The following YES1 variants were observed in gnomAD, a reference collection of about 807,000 sequenced individuals.
YES1 encodes YES proto-oncogene 1, Src family tyrosine kinase.
YES1 carries 39 observed loss-of-function variants against 70.4 expected under a neutral mutation model. The ratio of observed to expected loss-of-function variants is 0.55; its 90% CI spans 0.43 to 0.72. The LOEUF (loss-of-function observed/expected upper bound fraction) is 0.72, where lower values mean the gene tolerates loss of function less well. Among genes scored for constraint, YES1 ranks in the 30% least tolerant of loss-of-function variants. The probability of loss-of-function intolerance (pLI) is 0.00; values close to 1 mark genes in which losing one functional copy is unlikely to be tolerated. For missense variants in YES1, 495 were observed against 644.8 expected, an observed-to-expected ratio of 0.77 and a Z score of 2.52; for synonymous variants, 198 against 218.6, an observed-to-expected ratio of 0.91 and a Z score of 0.83.
chr18:754,126 A>G (rs1382144608), intron 2 of YES1, among the ~76,000 whole-genome samples: 3 of 152,114 alleles, frequency 2.0e-5, no homozygotes, highest in African/African-American at 7.2e-5. Flanking sequence ...GTTTTTCTCA[A>G]AAGAAAATTC....
rs1433897704 is a variant in YES1, at chr18:747,911, G to C, written c.470+9C>G. The C allele has an allele frequency of 6.2e-7, 1 of 1,610,970 alleles. No homozygotes were observed. Among genetic ancestry groups the C allele is most frequent in the Non-Finnish European group, 8.5e-7 (1 of 1,178,388 alleles). On this transcript the variant is annotated intron_variant, in intron 4 of 11. Coordinates refer to ENST00000314574, the MANE Select transcript of YES1 (RefSeq NM_005433.4). ...AAAATAATTAATAAAATATGAAGTA[G>C]TGCCATACTCTTCTGCCTGAATGGA... is the stretch of plus-strand genomic sequence containing the variant.
intron 11 of YES1, among the ~76,000 whole-genome samples, chr18:729,323 G>C (rs1408748577): frequency 2.0e-5 from 3 of 151,984 alleles, no homozygotes; most frequent in Non-Finnish European, 4.4e-5. Context: ...GCTGAGGCAG[G>C]AGAATCGCTG....
rs1345769020 is a variant in YES1, at chr18:724,164, A to T, written c.*260T>A. ...AGGAGCCTCACTGTCCTTCATTACC[A>T]TGCTGTCACCCACACTGTCATCAGT... On this transcript the variant is annotated 3_prime_UTR_variant, in exon 12 of 12. Transcript: ENST00000314574. 1 of 381,152 alleles carries T rather than the reference A, an allele frequency of 2.6e-6. No individual in the cohort carries two copies. The highest frequency in any genetic ancestry group is 4.0e-5 in the Admixed American group (1 of 25,248). The allele number at this position is 381,152 out of a possible 1,614,324, so 23.6% of individuals were successfully genotyped here.
At chr18:764,198 AG>A (rs1464459403) in intron 1 of YES1, among the ~76,000 whole-genome samples, 1 of 151,972 alleles carries the variant, frequency 6.6e-6, no homozygotes, top group African/African-American at 2.4e-5. Flanking sequence ...ACGTGTATTA[AG>A]GGTTGGCTGA....
intron 10 of YES1, among the ~76,000 whole-genome samples, chr18:733,840 T>C (rs539895895): frequency 8.3e-4 from 124 of 150,232 alleles, no homozygotes; most frequent in Non-Finnish European, 1.4e-3. Flanking sequence ...TATAAACTTA[T>C]TGCAGAAATA....
chr18:782,752 C>T lies in YES1; in HGVS notation c.-8-25917G>A, dbSNP rs559090798. 4.6e-4 allele frequency among the ~76,000 whole-genome samples: 70 copies of T among 152,200 alleles called. 1 individual carries two copies. The South Asian group carries it at 0.014, about 31-fold the overall frequency. ...TTCTGTCACCCAGGTTGGAGTGCAG[C>T]GGCACAATCTCGGCTCACTGCAACC... On this transcript the variant is annotated intron_variant, in intron 1 of 11. Coordinates refer to ENST00000314574, the MANE Select transcript of YES1 (RefSeq NM_005433.4).
intron 1 of YES1, among the ~76,000 whole-genome samples, chr18:762,667 C>T (rs1904656264): frequency 6.6e-6 from 1 of 152,160 alleles, no homozygotes; most frequent in Non-Finnish European, 1.5e-5. Flanking sequence ...ACGTACACTA[C>T]TCCGGTGACG....
intron 1 of YES1, among the ~76,000 whole-genome samples, chr18:790,951 T>A (rs1222126360): frequency 6.6e-6 from 1 of 152,134 alleles, no homozygotes. Flanking sequence ...TTCAAAAAAA[T>A]ATTTTTTTAA....
intron 11 of YES1, among the ~76,000 whole-genome samples, chr18:725,430 A>C (rs2080006092): frequency 6.6e-6 from 1 of 152,202 alleles, no homozygotes; most frequent in Non-Finnish European, 1.5e-5. Flanking sequence ...AATGGGGTTA[A>C]ATCATTACTA....
intron 1 of YES1, among the ~76,000 whole-genome samples, chr18:773,278 C>T (rs931443144): frequency 9.8e-5 from 15 of 152,306 alleles, no homozygotes; most frequent in Admixed American, 8.5e-4. Flanking sequence ...AGGGAGGAGT[C>T]AGGTCAGTAC....
intron 1 of YES1, among the ~76,000 whole-genome samples, chr18:803,749 T>C (rs1481585787): frequency 6.6e-6 from 1 of 152,202 alleles, no homozygotes; most frequent in Non-Finnish European, 1.5e-5. Context: ...GGCTACAGGT[T>C]CACCCACCTC....
intron 10 of YES1, among the ~76,000 whole-genome samples, chr18:734,957 A>G (rs2080135160): frequency 1.3e-5 from 2 of 152,062 alleles, no homozygotes; most frequent in African/African-American, 2.4e-5. Context: ...CAGGAGTTTG[A>G]GACCAGCGTG....
chr18:788,750 T>C (rs1367266900), intron 1 of YES1, among the ~76,000 whole-genome samples: 1 of 152,142 alleles, frequency 6.6e-6, no homozygotes, highest in African/African-American at 2.4e-5. Context: ...TGAAACCCTG[T>C]CTCTACTAAA....
At chr18:807,331 C>CAA (rs34717750) in intron 1 of YES1, among the ~76,000 whole-genome samples, 2,085 of 125,642 alleles carry the variant, frequency 0.017, 41 homozygotes, top group African/African-American at 0.055. Flanking sequence ...GATACTTCAT[C>CAA]AAAAAAAAAA....
chr18:781,951 G>A (rs533540246), intron 1 of YES1, among the ~76,000 whole-genome samples: 12 of 152,150 alleles, frequency 7.9e-5, no homozygotes, highest in Admixed American at 5.9e-4. Flanking sequence ...AAACATTATC[G>A]GAGTGCCTCA....
chr18:726,781 CAAAAAAAAAAAAAA>C (rs58322434), intron 11 of YES1, among the ~76,000 whole-genome samples: 46 of 47,254 alleles, frequency 9.7e-4, no homozygotes, highest in African/African-American at 1.5e-3. Context: ...ACTCTTGTCT[CAAAAAAAAAAAAAA>C]AAAAAAAAAA....
intron 1 of YES1, among the ~76,000 whole-genome samples, chr18:764,946 G>C (rs543216070): frequency 9.2e-5 from 14 of 151,514 alleles, no homozygotes; most frequent in African/African-American, 3.4e-4. Flanking sequence ...ATGTTGGCCA[G>C]ACTAGTCTCA....
chr18:760,033 G>A (rs955258553), intron 1 of YES1, among the ~76,000 whole-genome samples: 7 of 152,132 alleles, frequency 4.6e-5, no homozygotes, highest in African/African-American at 1.4e-4. Flanking sequence ...TACAAAGGAC[G>A]TGAACTCATC....
chr18:757,320 G>A (rs372494733), intron 1 of YES1, among the ~76,000 whole-genome samples: 180 of 150,958 alleles, frequency 1.2e-3, no homozygotes, highest in Non-Finnish European at 1.5e-3. Context: ...TGGCTAACAC[G>A]GTGAAACCCC....
Sources: gnomAD v4.1 joint callset for allele counts (sites outside exome capture counted in the v4.1 genomes callset) on GRCh38, gnomAD v4.1.1 for gene constraint, MANE v1.5 for transcripts, NCBI Gene and HGNC (gene_info 2026-07-23, HGNC 2026-07-21) for gene names.